The following INTS6L variants were observed in gnomAD, a reference collection of about 807,000 sequenced individuals.
The protein encoded by INTS6L is integrator complex subunit 6 like, also known as integrator complex subunit 6-like.
Under a neutral mutation model 64.7 loss-of-function variants are expected in INTS6L, and 18 were observed. That is an observed-to-expected ratio of 0.28 (90% CI 0.19 to 0.41). The LOEUF (loss-of-function observed/expected upper bound fraction) is 0.41, where lower values mean the gene tolerates loss of function less well. INTS6L is among the 10% of genes least tolerant of loss of function. INTS6L has a pLI of 1.00. For synonymous variants in INTS6L, 227 were observed against 235.9 expected (o/e 0.96, Z 0.34); for missense variants, 533 against 661.0 (o/e 0.81, Z 2.12).
At chrX:135,577,472 A>G in intron 15 of INTS6L, 45 bp downstream of exon 15, 4 of 1,123,993 alleles carry the variant, frequency 3.6e-6, no homozygotes, top group Non-Finnish European at 4.9e-6. Context: ...CTAGAGGACT[A>G]AGACGCTAAA....
intron 9 of INTS6L, among the ~76,000 whole-genome samples, chrX:135,563,649 ATATATATAG>A (rs1569512823): frequency 3.8e-3 from 13 of 3,429 alleles, no homozygotes; most frequent in Non-Finnish European, 0.011. Flanking sequence ...ATATATATAT[ATATATATAG>A]CTATATATAT....
intron 15 of INTS6L, among the ~76,000 whole-genome samples, chrX:135,578,092 G>T (rs1483788457): frequency 9.0e-6 from 1 of 111,171 alleles, no homozygotes; most frequent in East Asian, 2.8e-4. Flanking sequence ...TTCTGGTTTT[G>T]CCTTTTCTTT....
At chrX:135,528,875 C>CA (rs1220539114) in intron 2 of INTS6L, among the ~76,000 whole-genome samples, 5 of 84,237 alleles carry the variant, frequency 5.9e-5, no homozygotes, top group Admixed American at 4.0e-4. Flanking sequence ...CACCCCCCCC[C>CA]CCGACCCACC....
intron 9 of INTS6L, among the ~76,000 whole-genome samples, chrX:135,564,361 G>C (rs140608087): frequency 3.6e-5 from 4 of 110,591 alleles, no homozygotes; most frequent in Non-Finnish European, 5.7e-5. Flanking sequence ...CATGTTTTAT[G>C]ATGGCCGCTT....
intron 2 of INTS6L, among the ~76,000 whole-genome samples, chrX:135,531,640 T>G (rs1326922552): frequency 8.9e-6 from 1 of 112,156 alleles, no homozygotes; most frequent in Non-Finnish European, 1.9e-5. Context: ...GACTCCCAAG[T>G]GCCTCCAAAA....
At chrX:135,543,154 C>T (rs1397599145) in intron 2 of INTS6L, among the ~76,000 whole-genome samples, 1 of 110,753 alleles carries the variant, frequency 9.0e-6, no homozygotes, top group African/African-American at 3.3e-5. Context: ...ATTTATTCTC[C>T]AACTACCAGC....
At chrX:135,563,631 G>GTA (rs1168090208) in intron 9 of INTS6L, among the ~76,000 whole-genome samples, 85 of 8,065 alleles carry the variant, frequency 0.011, 1 homozygote, top group African/African-American at 0.017. Flanking sequence ...GTGTGTGTGT[G>GTA]TGTATATATA....
chrX:135,567,822 A>G (rs945963620), intron 9 of INTS6L, among the ~76,000 whole-genome samples: 3 of 112,187 alleles, frequency 2.7e-5, no homozygotes, highest in Non-Finnish European at 3.8e-5. Flanking sequence ...AAAGACCTAC[A>G]TTTTATGACT....
chrX:135,567,885 G>T (rs781867050), intron 9 of INTS6L, among the ~76,000 whole-genome samples: 1 of 112,114 alleles, frequency 8.9e-6, no homozygotes, highest in Admixed American at 9.5e-5. Context: ...TATTATAGCT[G>T]TAAAAGGAAG....
chrX:135,579,647 T>A, intron 15 of INTS6L, 141 bp from the exon 16 acceptor site: 1 of 846,247 alleles, frequency 1.2e-6, no homozygotes, highest in Non-Finnish European at 1.6e-6. Flanking sequence ...TGGCCTCAAT[T>A]TGAGGGGTCT....
intron 2 of INTS6L, among the ~76,000 whole-genome samples, chrX:135,528,177 G>A (rs2085790898): frequency 9.0e-6 from 1 of 111,092 alleles, no homozygotes; most frequent in Non-Finnish European, 1.9e-5. Context: ...AGAGACCCAG[G>A]CAGTCCCTTT....
At chrX:135,571,089 G>C (rs1174915923) in intron 11 of INTS6L, 2 of 111,335 alleles carry the variant, frequency 1.8e-5, no homozygotes, top group African/African-American at 6.6e-5. Context: ...CTGAAGAGTG[G>C]AGCTCAGTTT....
chrX:135,549,551 G>T, intron 6 of INTS6L, 91 bp from the exon 7 acceptor site: 3 of 981,078 alleles, frequency 3.1e-6, no homozygotes, highest in Non-Finnish European at 2.8e-6. Flanking sequence ...TTTTATTTTG[G>T]ACTTTGCTTT....
At chrX:135,550,371 AC>A (rs1186610464) in intron 7 of INTS6L, among the ~76,000 whole-genome samples, 1 of 110,381 alleles carries the variant, frequency 9.1e-6, no homozygotes, top group Non-Finnish European at 1.9e-5. Flanking sequence ...CTTTTTGGTC[AC>A]TGCATTTGGT....
At chrX:135,547,428 A>T (rs781849837) in intron 6 of INTS6L, among the ~76,000 whole-genome samples, 163 bp downstream of exon 6, 9 of 112,282 alleles carry the variant, frequency 8.0e-5, no homozygotes, top group African/African-American at 2.9e-4. Flanking sequence ...TATATGTATC[A>T]GGTGGCCAAA....
chrX:135,521,641 G>A (rs2085561242), intron 2 of INTS6L, among the ~76,000 whole-genome samples: 1 of 109,075 alleles, frequency 9.2e-6, no homozygotes, highest in Non-Finnish European at 1.9e-5. Flanking sequence ...GACTGAGGGC[G>A]CTGCTGAGAT....
At position 135,579,648 on chromosome X, in the gene INTS6L, T is replaced by G. The variant is rs1403546638; in HGVS notation, c.2120-140T>G. 3.5e-6 allele frequency: 3 copies of G among 849,124 alleles called. No homozygotes were observed. In the African/African-American group the frequency reaches 6.1e-5, roughly 17 times the overall value. The allele number at this position is 849,124 out of a possible 1,213,427, so 70.0% of individuals were successfully genotyped here. A position where few individuals can be genotyped will look rare whatever the true frequency, so the allele number is the denominator to read the frequency against. ...TGTATTATGTGTCCTGGCCTCAATT[T>G]GAGGGGTCTCAGATCGCCACCTGGT... On this transcript the variant is annotated intron_variant, in intron 15 of 17. Transcript: ENST00000639893.
chrX:135,575,218 G>A lies in INTS6L; in HGVS notation c.1876G>A (p.Asp626Asn). 8.3e-7 allele frequency: 1 copy of A among 1,208,375 alleles called. No homozygotes were observed. Among genetic ancestry groups the A allele is most frequent in the Non-Finnish European group, 1.1e-6 (1 of 894,394 alleles). ...LHTFGNPFKQ[D>N]KKGMMIDEAD... ...TACTTTTGGCAATCCGTTTAAACAAGATAAGAAGGTAGGATACCTATGCCT... is the reference window on the plus strand; with the variant it reads ...TACTTTTGGCAATCCGTTTAAACAAAATAAGAAGGTAGGATACCTATGCCT... The change falls in exon 14 of 18, where the codon GAT becomes AAT. Residue 626 changes from aspartate (D) to asparagine (N), a missense_variant. By Grantham distance (23) the Asp-to-Asn change is conservative. Transcript: ENST00000639893.
rs2085715593 is a variant in INTS6L at position 135,525,716 on chromosome X, T to C, written c.189+4398T>C. Among the ~76,000 whole-genome samples, 5 of 112,611 alleles carry C rather than the reference T, an allele frequency of 4.4e-5. No individual in the cohort carries two copies. The South Asian group carries it at 1.8e-3, about 41-fold the overall frequency. Reference sequence around the variant, plus strand: ...TGCCCATGAATATATTTTATAGATCTTATTTGCAAAAGGAGTGACTTTTAT... The same window carrying C: ...TGCCCATGAATATATTTTATAGATCCTATTTGCAAAAGGAGTGACTTTTAT... On this transcript the variant is annotated intron_variant, in intron 2 of 17. Coordinates refer to ENST00000639893, the MANE Select transcript of INTS6L (RefSeq NM_001351601.3).
Sources: allele counts gnomAD v4.1 joint callset (sites outside exome capture counted in the v4.1 genomes callset), GRCh38; gene constraint gnomAD v4.1.1; transcripts MANE v1.5; gene names NCBI Gene and HGNC (gene_info 2026-07-23, HGNC 2026-07-21).